PPP3CA: variants seen among roughly 807,000 people sequenced by gnomAD.
PPP3CA encodes the protein CAM-PRP catalytic subunit.
PPP3CA carries 14 observed loss-of-function variants against 66.5 expected under a neutral mutation model. That is an observed-to-expected ratio of 0.21 (90% CI 0.14 to 0.33). PPP3CA has a LOEUF of 0.33. Among genes scored for constraint, PPP3CA ranks in the 10% least tolerant of loss-of-function variants. The pLI is 1.00. For missense variants in PPP3CA, 317 were observed against 639.5 expected, an observed-to-expected ratio of 0.50 and a Z score of 5.44; for synonymous variants, 232 against 226.2, an observed-to-expected ratio of 1.03 and a Z score of -0.23.
rs527835146 is a variant in PPP3CA at position 101,137,040 on chromosome 4, T to C, written c.260-27962A>G. Among the ~76,000 whole-genome samples the C allele has an allele frequency of 3.9e-5, 6 of 152,270 alleles. No homozygotes were observed. In the South Asian group the frequency reaches 6.2e-4, roughly 16 times the overall value. ...CCACTTGAGAACCAGGCAAATTTCA[T>C]AGTAGCTAAAATATTAAAAAAGTGC... On this transcript the variant is annotated intron_variant, in intron 2 of 13. Transcript: ENST00000394854.
intron 1 of PPP3CA, among the ~76,000 whole-genome samples, chr4:101,214,667 G>T (rs1725403806): frequency 6.6e-6 from 1 of 151,930 alleles, no homozygotes; most frequent in African/African-American, 2.4e-5. Flanking sequence ...ATCTGTAAAA[G>T]CTCCCCTTTT....
chr4:101,124,383 G>C lies in PPP3CA; in HGVS notation c.260-15305C>G, dbSNP rs148627989. ...TGCCTGTAATCCCAGAACTTTGGGA[G>C]GCCAAGGTGGAAAGATCAGCTGAGG... On this transcript the variant is annotated intron_variant, in intron 2 of 13. Transcript: ENST00000394854. 2.4e-3 allele frequency among the ~76,000 whole-genome samples: 369 copies of C among 152,196 alleles called. 3 individuals carry two copies. The highest frequency in any genetic ancestry group is 2.3e-3 in the Non-Finnish European group (157 of 68,012).
intron 1 of PPP3CA, among the ~76,000 whole-genome samples, chr4:101,297,577 C>T (rs557346387): frequency 3.2e-4 from 48 of 152,190 alleles, no homozygotes; most frequent in African/African-American, 1.1e-3. Flanking sequence ...GAAGAGGAAC[C>T]CACTAGATGA....
chr4:101,303,839 T>C (rs1180765071), intron 1 of PPP3CA, among the ~76,000 whole-genome samples: 1 of 152,176 alleles, frequency 6.6e-6, no homozygotes, highest in Non-Finnish European at 1.5e-5. Context: ...ACCAATTTGA[T>C]GGGATAAAAA....
At chr4:101,309,530 T>C (rs571299217) in intron 1 of PPP3CA, among the ~76,000 whole-genome samples, 8 of 152,092 alleles carry the variant, frequency 5.3e-5, no homozygotes, top group Admixed American at 5.2e-4. Flanking sequence ...TTCCATAAAC[T>C]CATCTTGTTC....
Position 101,288,552 on chromosome 4 carries a change from GGGAGGGGAGTGGTCGGA to G in PPP3CA, c.58+58170_58+58186del, listed in dbSNP as rs796801021. ...GGAGAAGGGAGAAGGGAGCGGGAGG[GGGAGGGGAGTGGTCGGA>G]GGAGGGGATAAGAGGGAACAACGGG... On this transcript the variant is annotated intron_variant, in intron 1 of 13. Transcript: ENST00000394854. Among the ~76,000 whole-genome samples the G allele has an allele frequency of 1.2e-3, 175 of 151,766 alleles. 2 individuals carry two copies. Among genetic ancestry groups the G allele is most frequent in the African/African-American group, 3.9e-3 (162 of 41,332 alleles).
intron 1 of PPP3CA, among the ~76,000 whole-genome samples, chr4:101,216,210 AAAT>A (rs1725448022): frequency 6.6e-6 from 1 of 152,182 alleles, no homozygotes; most frequent in African/African-American, 2.4e-5. Context: ...TCTCATTGAA[AAAT>A]ATTATTTAAA....
At chr4:101,214,486 C>T (rs1416617025) in intron 1 of PPP3CA, among the ~76,000 whole-genome samples, 3 of 151,930 alleles carry the variant, frequency 2.0e-5, no homozygotes, top group African/African-American at 7.2e-5. Context: ...TGTGAGTTAC[C>T]AGAAAAAAGA....
At chr4:101,168,768 C>T (rs1723774844) in intron 2 of PPP3CA, among the ~76,000 whole-genome samples, 1 of 152,220 alleles carries the variant, frequency 6.6e-6, no homozygotes, top group Admixed American at 6.5e-5. Context: ...ACCATATATA[C>T]GTCTCCTTAA....
At chr4:101,086,666 G>A (rs1729687903) in intron 6 of PPP3CA, among the ~76,000 whole-genome samples, 1 of 151,994 alleles carries the variant, frequency 6.6e-6, no homozygotes, top group African/African-American at 2.4e-5. Context: ...TCTCTTCAAG[G>A]CTATCTCACC....
chr4:101,268,440 T>A (rs932402775), intron 1 of PPP3CA, among the ~76,000 whole-genome samples: 1 of 152,120 alleles, frequency 6.6e-6, no homozygotes, highest in African/African-American at 2.4e-5. Flanking sequence ...ACAGTTTTTA[T>A]GGTGCCATAG....
In PPP3CA at chr4:101,334,933, CT is replaced by C. The variant is rs374596923; in HGVS notation, c.58+11805del. 9.9e-4 allele frequency among the ~76,000 whole-genome samples: 151 copies of C among 152,226 alleles called. 2 individuals carry two copies. Among genetic ancestry groups the C allele is most frequent in the African/African-American group, 3.4e-3 (142 of 41,524 alleles). On this transcript the variant is annotated intron_variant, in intron 1 of 13. Transcript: ENST00000394854. ...GAAATACACACATATGTAATTTCCA[CT>C]GTGATTAAAGACTTATCAGTAAGAT...
chr4:101,264,490 A>G (rs1727109086), intron 1 of PPP3CA, among the ~76,000 whole-genome samples: 1 of 152,114 alleles, frequency 6.6e-6, no homozygotes, highest in Non-Finnish European at 1.5e-5. Flanking sequence ...AAAATAAAAG[A>G]AGGAAGGAAA....
intron 1 of PPP3CA, among the ~76,000 whole-genome samples, chr4:101,227,283 T>G (rs1254510110): frequency 2.6e-5 from 4 of 151,816 alleles, no homozygotes; most frequent in African/African-American, 9.7e-5. Flanking sequence ...TTCAACTAAA[T>G]CTTTCTTTTC....
chr4:101,288,974 G>A (rs1403915382), intron 1 of PPP3CA, among the ~76,000 whole-genome samples: 1 of 151,730 alleles, frequency 6.6e-6, no homozygotes, highest in Non-Finnish European at 1.5e-5. Context: ...TGAAAGTGAG[G>A]GTCATCAGCA....
chr4:101,043,688 C>T (rs1416016315), intron 10 of PPP3CA, among the ~76,000 whole-genome samples: 6 of 152,012 alleles, frequency 3.9e-5, no homozygotes, highest in Admixed American at 1.3e-4. Context: ...TCCTGGCTAA[C>T]GTGGTGAAAC....
intron 2 of PPP3CA, among the ~76,000 whole-genome samples, chr4:101,172,030 A>G (rs369499082): frequency 6.6e-6 from 1 of 152,170 alleles, no homozygotes; most frequent in East Asian, 1.9e-4. Flanking sequence ...ATACTTGTAA[A>G]TGACTTAATC....
At chr4:101,172,862 T>TA (rs1560639926) in intron 2 of PPP3CA, among the ~76,000 whole-genome samples, 1 of 152,110 alleles carries the variant, frequency 6.6e-6, no homozygotes, top group African/African-American at 2.4e-5. Flanking sequence ...AATGATCCTG[T>TA]AAAAAAAGGC....
rs551700844 is a variant in PPP3CA at position 101,311,882 on chromosome 4, A to G, written c.58+34857T>C. 9.8e-5 allele frequency among the ~76,000 whole-genome samples: 15 copies of G among 152,302 alleles called. No homozygotes were observed. The South Asian group carries it at 3.1e-3, about 32-fold the overall frequency. ...CCTTGTCCAAGCCATCCAATTTATT[A>G]CCTTTTTTTTATCTCTTTCCACTCA... On this transcript the variant is annotated intron_variant, in intron 1 of 13. Coordinates refer to ENST00000394854, the MANE Select transcript of PPP3CA (RefSeq NM_000944.5).
Sources: allele counts gnomAD v4.1 joint callset (sites outside exome capture counted in the v4.1 genomes callset), GRCh38; gene constraint gnomAD v4.1.1; transcripts MANE v1.5; gene names NCBI Gene and HGNC (gene_info 2026-07-23, HGNC 2026-07-21).